Variants in NXPE4 observed in about 807,000 individuals in gnomAD.
NXPE4 encodes the protein NXPE family member 4.
A neutral mutation model predicts 33.3 loss-of-function variants in NXPE4; 42 were observed. That is an observed-to-expected ratio of 1.26 (90% CI 0.98 to 1.63). NXPE4 has a LOEUF of 1.63. Ranked by LOEUF, NXPE4 falls within the 40% of genes most tolerant of loss-of-function variation. The probability of loss-of-function intolerance (pLI) is 0.00; values close to 1 mark genes in which losing one functional copy is unlikely to be tolerated. For synonymous variants in NXPE4, 253 were observed against 234.9 expected, an observed-to-expected ratio of 1.08 and a Z score of -0.71; for missense variants, 709 against 647.6, an observed-to-expected ratio of 1.09 and a Z score of -1.03.
chr11:114,665,383 T>G, the NXPE4 span, among the ~76,000 whole-genome samples: 2 of 152,144 alleles, frequency 1.3e-5, no homozygotes, highest in South Asian at 4.1e-4. Context: ...TGTCCAAAGT[T>G]TTAAAATTCT....
chr11:114,613,132 G>A, the NXPE4 span, among the ~76,000 whole-genome samples: 2 of 150,522 alleles, frequency 1.3e-5, no homozygotes, highest in African/African-American at 4.9e-5. Flanking sequence ...TGGATAATAA[G>A]TACTGCCTCA....
chr11:114,579,164 G>A (rs1949079142), intron 5 of NXPE4, among the ~76,000 whole-genome samples: 1 of 152,140 alleles, frequency 6.6e-6, no homozygotes, highest in African/African-American at 2.4e-5. Flanking sequence ...GAGCCAGTGT[G>A]TCACATGGTG....
chr11:114,625,444 T>C, the NXPE4 span, among the ~76,000 whole-genome samples: 3 of 152,126 alleles, frequency 2.0e-5, no homozygotes, highest in Non-Finnish European at 2.9e-5. Context: ...ATAATAAGTA[T>C]TGCCTCTTGG....
the NXPE4 span, among the ~76,000 whole-genome samples, chr11:114,667,942 G>C: frequency 1.3e-5 from 2 of 151,882 alleles, no homozygotes; most frequent in Non-Finnish European, 2.9e-5. Context: ...CACAGCAGTA[G>C]ATAACTAATA....
chr11:114,622,676 A>T, the NXPE4 span, among the ~76,000 whole-genome samples: 1 of 151,236 alleles, frequency 6.6e-6, no homozygotes, highest in East Asian at 2.0e-4. Context: ...GTGGATAATA[A>T]ATGTTGCCTA....
At chr11:114,609,355 T>C in the NXPE4 span, among the ~76,000 whole-genome samples, 2 of 151,516 alleles carry the variant, frequency 1.3e-5, no homozygotes, top group Admixed American at 1.3e-4. Context: ...TAATGTCTCA[T>C]TGGTAACCAC....
chr11:114,634,033 G>A, the NXPE4 span, among the ~76,000 whole-genome samples: 47 of 151,898 alleles, frequency 3.1e-4, 2 homozygotes, highest in African/African-American at 7.2e-4. Flanking sequence ...CTGAGGATTC[G>A]CCACACTGAC....
At chr11:114,633,691 A>G in the NXPE4 span, among the ~76,000 whole-genome samples, 2 of 144,016 alleles carry the variant, frequency 1.4e-5, no homozygotes, top group African/African-American at 2.6e-5. Context: ...TTCAATTCCC[A>G]CCTATGAGTG....
At chr11:114,580,027 G>T in intron 5 of NXPE4, 105 bp downstream of exon 5, 1 of 1,002,724 alleles carries the variant, frequency 1.0e-6, no homozygotes, top group Non-Finnish European at 1.5e-6. Flanking sequence ...TGTTGTGATT[G>T]AAGAATATGA....
At chr11:114,673,397 C>A in the NXPE4 span, among the ~76,000 whole-genome samples, 1 of 151,360 alleles carries the variant, frequency 6.6e-6, no homozygotes, top group Non-Finnish European at 1.5e-5. Context: ...AAATCAATAA[C>A]CTAACTTTTC....
the NXPE4 span, among the ~76,000 whole-genome samples, chr11:114,650,446 T>C: frequency 6.6e-6 from 1 of 152,152 alleles, no homozygotes; most frequent in African/African-American, 2.4e-5. Flanking sequence ...AGGGTACTCC[T>C]ATTTGGTGCA....
At chr11:114,616,040 C>T in the NXPE4 span, among the ~76,000 whole-genome samples, 3 of 151,322 alleles carry the variant, frequency 2.0e-5, no homozygotes, top group South Asian at 6.3e-4. Flanking sequence ...ACCACTCTTA[C>T]CCGGTGGATA....
the NXPE4 span, among the ~76,000 whole-genome samples, chr11:114,639,497 A>G: frequency 6.6e-6 from 1 of 150,834 alleles, no homozygotes; most frequent in African/African-American, 2.4e-5. Flanking sequence ...ACTGTCTGGC[A>G]CTCCCTAGTG....
chr11:114,626,320 T>G, the NXPE4 span, among the ~76,000 whole-genome samples: 1 of 152,190 alleles, frequency 6.6e-6, no homozygotes, highest in Non-Finnish European at 1.5e-5. Context: ...AGCACACAGC[T>G]GGAGATCTGA....
the NXPE4 span, among the ~76,000 whole-genome samples, chr11:114,615,770 C>T: frequency 6.6e-6 from 1 of 151,630 alleles, no homozygotes; most frequent in Non-Finnish European, 1.5e-5. Flanking sequence ...AGTACTGCCT[C>T]ATGGGTAACC....
the NXPE4 span, among the ~76,000 whole-genome samples, chr11:114,629,647 C>T: frequency 3.3e-5 from 5 of 152,160 alleles, no homozygotes; most frequent in African/African-American, 9.6e-5. Flanking sequence ...TCCTATTCAT[C>T]AGAGTGTTGG....
intron 4 of NXPE4, among the ~76,000 whole-genome samples, chr11:114,581,080 G>A (rs905633225): frequency 1.3e-5 from 2 of 152,082 alleles, no homozygotes; most frequent in African/African-American, 4.8e-5. Context: ...AGTGTAAATA[G>A]GTTTATTAGT....
the NXPE4 span, among the ~76,000 whole-genome samples, chr11:114,668,965 G>A: frequency 6.6e-6 from 1 of 152,082 alleles, no homozygotes; most frequent in Non-Finnish European, 1.5e-5. Flanking sequence ...ATTTTAACTT[G>A]GGGCTGCTCC....
the NXPE4 span, among the ~76,000 whole-genome samples, chr11:114,668,260 G>A: frequency 6.6e-6 from 1 of 151,988 alleles, no homozygotes; most frequent in African/African-American, 2.4e-5. Flanking sequence ...ACTAGAGGGA[G>A]ACTTCTGGAG....
Sources: gnomAD v4.1 joint callset for allele counts (sites outside exome capture counted in the v4.1 genomes callset) on GRCh38, gnomAD v4.1.1 for gene constraint, MANE v1.5 for transcripts, NCBI Gene and HGNC (gene_info 2026-07-23, HGNC 2026-07-21) for gene names.